The following MPP4 variants were observed in gnomAD, a reference collection of about 807,000 sequenced individuals.
The protein encoded by MPP4 is MAGUK p55 scaffold protein 4.
In MPP4, 91 loss-of-function variants were observed where a neutral mutation model predicts 98.3. The observed-to-expected ratio is 0.93, with a 90% CI of 0.78 to 1.10. MPP4 has a LOEUF of 1.10. Among genes scored for constraint, MPP4 ranks in the 50% least tolerant of loss-of-function variants. The pLI, the probability that MPP4 is intolerant of heterozygous loss-of-function variation, is 0.00. For missense variants in MPP4, 744 were observed against 792.9 expected, an observed-to-expected ratio of 0.94 and a Z score of 0.74; for synonymous variants, 261 against 271.8, an observed-to-expected ratio of 0.96 and a Z score of 0.39.
intron 13 of MPP4, 195 bp from the exon 14 acceptor site, chr2:201,664,296 C>T (rs1284804394): frequency 7.5e-6 from 11 of 1,461,920 alleles, no homozygotes; most frequent in African/African-American, 1.4e-5. Context: ...ACATGGTATT[C>T]GGCAGTTGAG....
rs1454671089 is a variant in MPP4, at chr2:201,679,503, G to A, written c.929+1335C>T. On this transcript the variant is annotated intron_variant, in intron 10 of 21. Transcript: ENST00000409474. ...AACAGTTAGGAGAGAACTTCCACAA[G>A]TGCCTGCCATATGCTCCACCCTCAG... Among the ~76,000 whole-genome samples the A allele has an allele frequency of 3.9e-5, 6 of 152,118 alleles. No homozygotes were observed. In the East Asian group the frequency reaches 9.7e-4, roughly 25 times the overall value.
In MPP4 at chr2:201,656,371, AG is replaced by A; in HGVS notation, c.1130-4del. On this transcript the variant is annotated splice_polypyrimidine_tract_variant and splice_region_variant and intron_variant, in intron 16 of 21. Coordinates refer to ENST00000409474, the MANE Select transcript of MPP4 (RefSeq NM_033066.3). ...GCGCATGCTGCGGCGGAAGCCAGCT[AG>A]GGAGGGGAAGTGCACAGAACGTAAG... 6.5e-7 allele frequency: 1 copy of A among 1,548,564 alleles called. No individual in the cohort carries two copies. Among genetic ancestry groups the A allele is most frequent in the Non-Finnish European group, 8.7e-7 (1 of 1,145,188 alleles).
At chr2:201,653,701 T>C (rs1687780081) in intron 18 of MPP4, among the ~76,000 whole-genome samples, 1 of 152,178 alleles carries the variant, frequency 6.6e-6, no homozygotes, top group South Asian at 2.1e-4. Flanking sequence ...ATTTTTACAA[T>C]AAAACAGGTT....
chr2:201,698,256 C>T (rs1232787578), intron 1 of MPP4, among the ~76,000 whole-genome samples: 1 of 152,166 alleles, frequency 6.6e-6, no homozygotes, highest in Non-Finnish European at 1.5e-5. Context: ...CCTAAAAAAG[C>T]ACTTGGAAAC....
intron 12 of MPP4, among the ~76,000 whole-genome samples, chr2:201,667,256 C>T (rs937132124): frequency 6.6e-6 from 1 of 152,234 alleles, no homozygotes; most frequent in East Asian, 1.9e-4. Context: ...ACGCATCTTA[C>T]GCTACCATTA....
intron 11 of MPP4, among the ~76,000 whole-genome samples, chr2:201,674,258 G>C (rs1027410941): frequency 5.2e-4 from 79 of 152,208 alleles, no homozygotes; most frequent in Non-Finnish European, 1.1e-3. Context: ...GAGCTGCAGA[G>C]ATCTTGGAAG....
intron 12 of MPP4, among the ~76,000 whole-genome samples, chr2:201,669,381 A>C (rs1688275014): frequency 6.6e-6 from 1 of 152,194 alleles, no homozygotes; most frequent in Middle Eastern, 3.2e-3. Context: ...TAATATGTAT[A>C]AAGCAGTTGA....
intron 4 of MPP4, 90 bp downstream of exon 4, chr2:201,690,112 C>T: frequency 1.2e-6 from 1 of 809,810 alleles, no homozygotes; most frequent in Non-Finnish European, 1.9e-6. Context: ...AAAACTTTTC[C>T]TTAGAACCTT....
At chr2:201,689,216 T>A (rs1481558754) in intron 4 of MPP4, among the ~76,000 whole-genome samples, 1 of 151,956 alleles carries the variant, frequency 6.6e-6, no homozygotes, top group Non-Finnish European at 1.5e-5. Flanking sequence ...TCCTAGCAAC[T>A]CAGGAGGCTG....
At chr2:201,684,962 A>AAAAAAAAAAG in intron 7 of MPP4, 102 bp downstream of exon 7, 1 of 271,368 alleles carries the variant, frequency 3.7e-6, no homozygotes, top group East Asian at 1.3e-4. Context: ...AAAAAAAAAG[A>AAAAAAAAAAG]AAAAAAAAAA....
chr2:201,683,719 T>C (rs1472734361), intron 7 of MPP4, among the ~76,000 whole-genome samples: 1 of 148,264 alleles, frequency 6.7e-6, no homozygotes, highest in Non-Finnish European at 1.5e-5. Context: ...CCTACTGCAC[T>C]CCAGCCTAGG....
At chr2:201,674,959 C>A in intron 11 of MPP4, 1 of 618,872 alleles carries the variant, frequency 1.6e-6, no homozygotes, top group Non-Finnish European at 3.0e-6. Context: ...CTTCAACTCC[C>A]TATGATTTCG....
chr2:201,693,861 C>T lies in MPP4; in HGVS notation c.79+15G>A. The T allele has an allele frequency of 6.2e-7, 1 of 1,613,838 alleles. No homozygotes were observed. Among genetic ancestry groups the T allele is most frequent in the East Asian group, 2.2e-5 (1 of 44,886 alleles). On this transcript the variant is annotated intron_variant, in intron 2 of 21. Transcript: ENST00000409474. ...TTACTTTCTGGTCTAGAAAAGGAGT[C>T]CTGGTGACACATACCATTCTGTGGA...
Position 201,651,269 on chromosome 2 carries a change from C to T in MPP4, c.1382-1104G>A, listed in dbSNP as rs1249154061. ...ACCAACCTTCAAGGGGGTCTAAAAG[C>T]AAATGTCATCTTGGGGTCATTTTTG... is the stretch of plus-strand genomic sequence containing the variant. On this transcript the variant is annotated intron_variant, in intron 18 of 21. Transcript: ENST00000409474. 3 of 985,260 alleles carry T rather than the reference C, an allele frequency of 3.0e-6. No individual in the cohort carries two copies. The African/African-American group carries it at 5.2e-5, about 17-fold the overall frequency. 61.0% of individuals were successfully genotyped at this position (985,260 alleles called of 1,614,324 possible).
chr2:201,663,684 C>G (rs1320480108), intron 14 of MPP4, among the ~76,000 whole-genome samples: 2 of 152,146 alleles, frequency 1.3e-5, no homozygotes, highest in African/African-American at 4.8e-5. Flanking sequence ...CCACTTGCAC[C>G]TCACCTTGGG....
intron 21 of MPP4, 62 bp from the exon 22 acceptor site, chr2:201,645,466 A>G: frequency 7.3e-7 from 1 of 1,373,398 alleles, no homozygotes. Context: ...GAAAAAATAC[A>G]GTTTGTTATG....
chr2:201,682,394 A>G (rs1056777258), intron 8 of MPP4, among the ~76,000 whole-genome samples: 1 of 152,196 alleles, frequency 6.6e-6, no homozygotes, highest in African/African-American at 2.4e-5. Context: ...TCTATCCACT[A>G]TAAGAAAGGC....
rs377351861 is a variant in MPP4 at position 201,692,988 on chromosome 2, G to A, written c.121C>T (p.Leu41=). ...CCATTCACATCTCTGCCGTAGAACA[G>A]ACTCAGCTCTTGCAGCACAAGCCTC... ...ILRLVLQELS[L]FYGRDVNGVC... The change falls in exon 3 of 22, where the codon CTG becomes TTG. Residue 41 remains leucine, a synonymous_variant. Transcript: ENST00000409474. 7.3e-5 allele frequency: 117 copies of A among 1,613,114 alleles called. No homozygotes were observed. The highest frequency in any genetic ancestry group is 1.1e-5 in the Non-Finnish European group (13 of 1,179,626).
At chr2:201,685,003 C>T (rs530307801) in intron 7 of MPP4, 61 bp downstream of exon 7, 5 of 1,345,660 alleles carry the variant, frequency 3.7e-6, no homozygotes, top group Non-Finnish European at 5.2e-6. Context: ...AGAAAGAAGC[C>T]TAAACAGTCA....
Sources: gnomAD v4.1 joint callset for allele counts (sites outside exome capture counted in the v4.1 genomes callset) on GRCh38, gnomAD v4.1.1 for gene constraint, MANE v1.5 for transcripts, NCBI Gene and HGNC (gene_info 2026-07-23, HGNC 2026-07-21) for gene names.